The following PBRM1 variants were observed in gnomAD, a reference collection of about 807,000 sequenced individuals.
The protein encoded by PBRM1 is protein polybromo-1.
In PBRM1, 27 loss-of-function variants were observed where a neutral mutation model predicts 194.5. The observed-to-expected ratio is 0.14, with a 90% CI of 0.10 to 0.19. The LOEUF is 0.19. Ranked by LOEUF, PBRM1 falls within the 10% of genes least tolerant of loss-of-function variation. PBRM1 has a pLI of 1.00. For synonymous variants in PBRM1, 655 were observed against 693.2 expected (o/e 0.94, Z 0.87); for missense variants, 1,466 against 2,077.2 (o/e 0.71, Z 5.72).
chr3:52,546,153 A>G, downstream of PBRM1: 1 of 232,288 alleles, frequency 4.3e-6, no homozygotes, highest in East Asian at 6.1e-5. Flanking sequence ...AGGCTCCCCA[A>G]AGAAGTCTCA....
At chr3:52,593,172 C>CT (rs2093259547) in intron 17 of PBRM1, among the ~76,000 whole-genome samples, 1 of 151,968 alleles carries the variant, frequency 6.6e-6, no homozygotes, top group Non-Finnish European at 1.5e-5. Flanking sequence ...CTGATTATTT[C>CT]TTTTTTTCTG....
downstream of PBRM1, chr3:52,546,056 A>G (rs920638908): frequency 8.6e-5 from 20 of 233,110 alleles, no homozygotes; most frequent in Admixed American, 2.8e-4. Flanking sequence ...TATGTTTCCT[A>G]TAGCACCTCT....
At chr3:52,662,366 C>A in intron 3 of PBRM1, 90 bp from the exon 5 acceptor site, 2 of 1,104,974 alleles carry the variant, frequency 1.8e-6, no homozygotes, top group Non-Finnish European at 2.6e-6. Flanking sequence ...CAGCAAAGAC[C>A]AAAAATTGTT....
At chr3:52,562,537 C>CTTT (rs61349809) in intron 24 of PBRM1, among the ~76,000 whole-genome samples, 10 of 108,176 alleles carry the variant, frequency 9.2e-5, no homozygotes, top group African/African-American at 3.0e-4. Context: ...TGAGAAAATT[C>CTTT]TTTTTTTTTT....
intron 10 of PBRM1, among the ~76,000 whole-genome samples, chr3:52,639,299 ACT>A (rs2095972321): frequency 6.6e-6 from 1 of 150,868 alleles, no homozygotes; most frequent in Non-Finnish European, 1.5e-5. Flanking sequence ...CTTTTTTAAA[ACT>A]CTGTATGCTC....
At chr3:52,572,505 G>A (rs905320838) in intron 22 of PBRM1, among the ~76,000 whole-genome samples, 9 of 152,052 alleles carry the variant, frequency 5.9e-5, no homozygotes, top group Admixed American at 3.9e-4. Flanking sequence ...CTGAGTAGCC[G>A]GGATTACAGG....
chr3:52,562,537 CTTTTT>C (rs61349809), intron 24 of PBRM1, among the ~76,000 whole-genome samples: 6 of 108,214 alleles, frequency 5.5e-5, no homozygotes, highest in African/African-American at 2.0e-4. Flanking sequence ...TGAGAAAATT[CTTTTT>C]TTTTTTTTTT....
downstream of PBRM1, chr3:52,547,374 G>C (rs752941365): frequency 8.6e-6 from 2 of 233,026 alleles, no homozygotes; most frequent in Non-Finnish European, 1.7e-5. Context: ...GTGTCCAGGA[G>C]GTACATTAGC....
intron 15 of PBRM1, among the ~76,000 whole-genome samples, chr3:52,611,741 T>A (rs1294360302): frequency 2.0e-5 from 3 of 150,564 alleles, no homozygotes; most frequent in Non-Finnish European, 4.4e-5. Flanking sequence ...GAGGTGGAGG[T>A]GGCAATGAGC....
intron 25 of PBRM1, among the ~76,000 whole-genome samples, chr3:52,561,413 G>A (rs967901784): frequency 1.3e-5 from 2 of 152,030 alleles, no homozygotes; most frequent in Admixed American, 6.6e-5. Context: ...CTTTTCAGAC[G>A]AATTTTAATT....
At chr3:52,576,118 A>G (rs777192272) in intron 22 of PBRM1, among the ~76,000 whole-genome samples, 1 of 152,146 alleles carries the variant, frequency 6.6e-6, no homozygotes, top group Non-Finnish European at 1.5e-5. Context: ...ACCAACGTTA[A>G]GTATAATGGG....
rs2097095976 is a variant in PBRM1, at chr3:52,676,128, AAAAAAAAAAAAAAAAAAAAAAAAAT to A, written c.236+2347_236+2371del. 3.1e-5 allele frequency among the ~76,000 whole-genome samples: 4 copies of A among 127,020 alleles called. 2 individuals carry two copies. The highest frequency in any genetic ancestry group is 1.6e-4 in the Admixed American group (2 of 12,884). The allele number at this position is 127,020 out of a possible 152,430, so 83.3% of individuals were successfully genotyped here. ...AGACTCCGTCTCAAAAAAAAAAAAA[AAAAAAAAAAAAAAAAAAAAAAAAAT>A]AATGAATGAAGCGGGATCCTTACCT... On this transcript the variant is annotated intron_variant, in intron 2 of 29. Transcript: ENST00000296302.
At chr3:52,583,272 C>T (rs6799490) in intron 20 of PBRM1, among the ~76,000 whole-genome samples, 134,652 of 151,782 alleles carry the variant, frequency 0.89, 60,046 homozygotes, top group African/African-American at 0.96. Flanking sequence ...TAGCTAGGTG[C>T]GGTGGTGCAC....
intron 3 of PBRM1, among the ~76,000 whole-genome samples, chr3:52,664,739 A>T (rs1156960029): frequency 6.6e-6 from 1 of 152,042 alleles, no homozygotes; most frequent in Non-Finnish European, 1.5e-5. Flanking sequence ...ATCACAAAAA[A>T]AAAAAGAAAA....
chr3:52,652,135 G>C (rs1391015351), intron 5 of PBRM1, among the ~76,000 whole-genome samples: 1 of 152,226 alleles, frequency 6.6e-6, no homozygotes, highest in Non-Finnish European at 1.5e-5. Context: ...TGCAATCCCA[G>C]CACTTTGGGA....
chr3:52,614,912 A>G (rs2094875166), intron 15 of PBRM1, among the ~76,000 whole-genome samples: 1 of 151,934 alleles, frequency 6.6e-6, no homozygotes, highest in South Asian at 2.1e-4. Flanking sequence ...CACAGACTAC[A>G]CTCAAATGAT....
chr3:52,577,546 T>C (rs552154097), intron 21 of PBRM1, among the ~76,000 whole-genome samples: 1 of 152,050 alleles, frequency 6.6e-6, no homozygotes, highest in Non-Finnish European at 1.5e-5. Flanking sequence ...TTGCTCCATA[T>C]TATCGTGATT....
At chr3:52,665,872 T>C (rs1310735027) in intron 3 of PBRM1, among the ~76,000 whole-genome samples, 1 of 152,196 alleles carries the variant, frequency 6.6e-6, no homozygotes, top group Non-Finnish European at 1.5e-5. Context: ...AGCACCAGCA[T>C]TATAAATAAG....
chr3:52,573,797 A>G (rs2153629661), intron 22 of PBRM1, among the ~76,000 whole-genome samples: 1 of 152,344 alleles, frequency 6.6e-6, no homozygotes, highest in African/African-American at 2.4e-5. Flanking sequence ...AAAGTGACTG[A>G]AACTTGGCAG....
Sources: allele counts gnomAD v4.1 joint callset (sites outside exome capture counted in the v4.1 genomes callset), GRCh38; gene constraint gnomAD v4.1.1; transcripts MANE v1.5; gene names NCBI Gene and HGNC (gene_info 2026-07-23, HGNC 2026-07-21).